TMPRSS11D: variants seen among roughly 807,000 people sequenced by gnomAD.
TMPRSS11D encodes the protein transmembrane serine protease 11D, also known as transmembrane protease serine 11D.
TMPRSS11D carries 32 observed loss-of-function variants against 44.4 expected under a neutral mutation model. The observed-to-expected ratio is 0.72, with a 90% CI of 0.54 to 0.97. The LOEUF (loss-of-function observed/expected upper bound fraction) is 0.97. TMPRSS11D is among the 50% of genes least tolerant of loss of function. The pLI is 0.00. For synonymous variants in TMPRSS11D, 179 were observed against 177.9 expected (o/e 1.01, Z -0.05); for missense variants, 446 against 502.6 (o/e 0.89, Z 1.08).
chr4:67,863,328 C>CAAA lies in TMPRSS11D; in HGVS notation c.9-3653_9-3651dup, dbSNP rs561420216. On this transcript the variant is annotated intron_variant, in intron 1 of 9. Transcript: ENST00000283916. The stretch of plus-strand genomic sequence containing the variant: ...ATAGAAAACCAAAACTGGTCTTGCT[C>CAAA]AAAAAAAAAAAAAAAAAAGAAAAGA... 3.4e-3 allele frequency among the ~76,000 whole-genome samples: 300 copies of CAAA among 89,160 alleles called. 1 individual carries two copies. The highest frequency in any genetic ancestry group is 9.4e-3 in the African/African-American group (284 of 30,248). The allele number at this position is 89,160 out of a possible 152,430, so 58.5% of individuals were successfully genotyped here.
intron 7 of TMPRSS11D, among the ~76,000 whole-genome samples, chr4:67,829,423 G>A (rs1229056734): frequency 6.8e-6 from 1 of 147,784 alleles, no homozygotes; most frequent in African/African-American, 2.5e-5. Context: ...TACATAGGGG[G>A]AGACAGAGAG....
In TMPRSS11D at chr4:67,859,633, T is replaced by C. The variant is rs149519185; in HGVS notation, c.54A>G (p.Val18=). The part of the protein sequence containing the change: ...TSTSRFLNPY[V]VCFIVVAGVV... ...CCCCTGCGACGACAATGAAACATAC[T>C]ACATATGGATTCAGAAATCTTGAAG... Residue 18 remains valine, a synonymous_variant, in exon 2 of 10, where the codon GTA becomes GTG. Transcript: ENST00000283916. 26 of 1,613,150 alleles carry C rather than the reference T, an allele frequency of 1.6e-5. No homozygotes were observed. Among genetic ancestry groups the C allele is most frequent in the Non-Finnish European group, 2.2e-5 (26 of 1,179,336 alleles).
chr4:67,865,247 C>G lies in TMPRSS11D; in HGVS notation c.9-5569G>C, dbSNP rs1055098016. On this transcript the variant is annotated intron_variant, in intron 1 of 9. Transcript: ENST00000283916. ...ACTATATAAAAACATGAAAAAAAAA[C>G]CCAACATGCTCCTGAATGATCTTTG... Among the ~76,000 whole-genome samples the G allele has an allele frequency of 2.0e-5, 3 of 150,220 alleles. No homozygotes were observed. The East Asian group carries it at 5.8e-4, about 29-fold the overall frequency.
At chr4:67,828,091 A>G (rs909626357) in intron 7 of TMPRSS11D, among the ~76,000 whole-genome samples, 4 of 151,794 alleles carry the variant, frequency 2.6e-5, no homozygotes, top group African/African-American at 9.7e-5. Context: ...TGGGGTCTTC[A>G]AAAGTTCATT....
chr4:67,850,130 A>T (rs1332677862), intron 3 of TMPRSS11D, among the ~76,000 whole-genome samples: 1 of 152,236 alleles, frequency 6.6e-6, no homozygotes, highest in Non-Finnish European at 1.5e-5. Flanking sequence ...GCAAGCAAAG[A>T]TTACTTACAG....
chr4:67,864,689 C>T (rs1214163304), intron 1 of TMPRSS11D, among the ~76,000 whole-genome samples: 1 of 151,692 alleles, frequency 6.6e-6, no homozygotes, highest in African/African-American at 2.4e-5. Context: ...AAATATATTC[C>T]ACACAGATGA....
intron 8 of TMPRSS11D, 114 bp from the exon 9 acceptor site, chr4:67,825,988 T>C: frequency 1.6e-6 from 2 of 1,249,908 alleles, no homozygotes; most frequent in Non-Finnish European, 2.1e-6. Context: ...TATTTAACAA[T>C]GAAGGCTTCT....
chr4:67,859,338 G>A (rs1458662772), intron 2 of TMPRSS11D, among the ~76,000 whole-genome samples: 2 of 151,920 alleles, frequency 1.3e-5, no homozygotes, highest in African/African-American at 2.4e-5. Context: ...CAAAAGGTAT[G>A]TTTGGGGCAC....
intron 1 of TMPRSS11D, among the ~76,000 whole-genome samples, chr4:67,878,431 A>G (rs1577835263): frequency 6.6e-6 from 1 of 152,176 alleles, no homozygotes; most frequent in South Asian, 2.1e-4. Flanking sequence ...TTGATTACCC[A>G]AAGTCCTTAA....
chr4:67,845,356 T>C (rs969060631), intron 3 of TMPRSS11D, among the ~76,000 whole-genome samples: 1 of 152,168 alleles, frequency 6.6e-6, no homozygotes, highest in Non-Finnish European at 1.5e-5. Flanking sequence ...TCTAATGAGA[T>C]AGTGATAAGG....
chr4:67,862,091 C>T (rs1030008574), intron 1 of TMPRSS11D, among the ~76,000 whole-genome samples: 1 of 152,004 alleles, frequency 6.6e-6, no homozygotes, highest in Non-Finnish European at 1.5e-5. Context: ...TATTGTGACC[C>T]ATTTACCCAG....
intron 1 of TMPRSS11D, among the ~76,000 whole-genome samples, chr4:67,859,904 G>T (rs1323949797): frequency 1.3e-5 from 2 of 152,064 alleles, no homozygotes; most frequent in Non-Finnish European, 2.9e-5. Flanking sequence ...CAAGTAGTCT[G>T]ATGGAAGAAG....
In TMPRSS11D at chr4:67,822,158, G is replaced by A; in HGVS notation, c.*179C>T. On this transcript the variant is annotated 3_prime_UTR_variant, in exon 10 of 10. Transcript: ENST00000283916. ...TGCAACATTCATATAGTTCTCTGGA[G>A]AAAATAGAAAACCTTTAATAATAAA... 1 of 694,754 alleles carries A rather than the reference G, an allele frequency of 1.4e-6. No individual in the cohort carries two copies. Among genetic ancestry groups the A allele is most frequent in the South Asian group, 2.3e-5 (1 of 44,132 alleles). 43.0% of individuals were successfully genotyped at this position (694,754 alleles called of 1,614,324 possible).
At chr4:67,882,167 T>C (rs896485870) in intron 1 of TMPRSS11D, among the ~76,000 whole-genome samples, 2 of 152,046 alleles carry the variant, frequency 1.3e-5, no homozygotes, top group African/African-American at 2.4e-5. Context: ...TTTAATTTTT[T>C]ATAAAAAAAG....
chr4:67,828,035 G>GGT (rs71641425), intron 7 of TMPRSS11D, among the ~76,000 whole-genome samples: 2,500 of 137,604 alleles, frequency 0.018, 42 homozygotes, highest in South Asian at 0.039. Flanking sequence ...TGAAGATTTT[G>GGT]GTGTGTGTGT....
intron 2 of TMPRSS11D, 151 bp downstream of exon 2, chr4:67,859,406 G>A: frequency 2.2e-6 from 2 of 928,234 alleles, no homozygotes; most frequent in Non-Finnish European, 3.1e-6. Flanking sequence ...ATACAGATAT[G>A]CATCTATATT....
At chr4:67,836,957 T>A (rs1280444196) in intron 5 of TMPRSS11D, among the ~76,000 whole-genome samples, 4 of 152,138 alleles carry the variant, frequency 2.6e-5, no homozygotes, top group Admixed American at 6.6e-5. Flanking sequence ...TTCATGAAAC[T>A]TTTGCTAGAT....
Position 67,871,485 on chromosome 4 carries a change from G to A in TMPRSS11D, c.9-11807C>T, listed in dbSNP as rs192428315. ...TTCAAGAATGCTGCTGACACAAGTCGGTAGTTTGCCATGTTTTCCTTCACT... is the reference window on the plus strand; with the variant it reads ...TTCAAGAATGCTGCTGACACAAGTCAGTAGTTTGCCATGTTTTCCTTCACT... On this transcript the variant is annotated intron_variant, in intron 1 of 9. Transcript: ENST00000283916. 3.3e-4 allele frequency among the ~76,000 whole-genome samples: 51 copies of A among 152,240 alleles called. No individual in the cohort carries two copies. The East Asian group carries it at 8.9e-3, about 26-fold the overall frequency.
At chr4:67,854,230 T>C (rs200004773) in intron 2 of TMPRSS11D, 44 bp from the exon 3 acceptor site, 2 of 999,842 alleles carry the variant, frequency 2.0e-6, no homozygotes, top group East Asian at 2.6e-5. Context: ...CTTTACTAAG[T>C]TGTTGAACCT....
Sources: allele counts gnomAD v4.1 joint callset (sites outside exome capture counted in the v4.1 genomes callset), GRCh38; gene constraint gnomAD v4.1.1; transcripts MANE v1.5; gene names NCBI Gene and HGNC (gene_info 2026-07-23, HGNC 2026-07-21).